Variants in SLC49A4 observed in about 807,000 individuals in gnomAD.
The protein encoded by SLC49A4 is solute carrier family 49 member 4, also known as disrupted in renal cancer protein 2.
In SLC49A4, 36 loss-of-function variants were observed where a neutral mutation model predicts 50.6. That is an observed-to-expected ratio of 0.71 (90% confidence interval 0.55 to 0.94). SLC49A4 has a LOEUF of 0.94. Ranked by LOEUF, SLC49A4 falls within the 40% of genes least tolerant of loss-of-function variation. SLC49A4 has a pLI of 0.00. For synonymous variants in SLC49A4, 248 were observed against 241.2 expected (o/e 1.03, Z -0.26); for missense variants, 503 against 605.7 (o/e 0.83, Z 1.78).
Position 122,795,330 on chromosome 3 carries a change from G to A in SLC49A4, c.138G>A (p.Arg46=). The change falls in exon 1 of 9, where the codon CGG becomes CGA. Residue 46 remains arginine (R), a synonymous_variant. Transcript: ENST00000261038. ...ALPAAVPGPG[R]VYGRRWLVLL... ...CCGCGGCGGTCCCGGGTCCCGGGCG[G>A]GTATACGGGCGCCGCTGGCTGGTGC... 12 of 1,530,924 alleles carry A rather than the reference G, an allele frequency of 7.8e-6. No individual in the cohort carries two copies. Among genetic ancestry groups the A allele is most frequent in the South Asian group, 1.2e-5 (1 of 83,044 alleles). The allele number at this position is 1,530,924 out of a possible 1,614,324, so 94.8% of individuals were successfully genotyped here.
chr3:122,798,634 C>CTTTTT lies in SLC49A4; in HGVS notation c.343+3123_343+3127dup, dbSNP rs71136594. Among the ~76,000 whole-genome samples the CTTTTT allele has an allele frequency of 6.8e-4, 43 of 62,842 alleles. 8 individuals are homozygous for CTTTTT. The highest frequency in any genetic ancestry group is 9.1e-4 in the Non-Finnish European group (33 of 36,438). The allele number at this position is 62,842 out of a possible 152,430, so 41.2% of individuals were successfully genotyped here. Reference sequence around the variant, plus strand: ...CTGGCATCCTTGGGTACTAAAATATCTTTTTTTTTTTTTTTTTTTTTTTTT... The same window carrying CTTTTT: ...CTGGCATCCTTGGGTACTAAAATATCTTTTTTTTTTTTTTTTTTTTTTTTTTTTTT... On this transcript the variant is annotated intron_variant, in intron 1 of 8. Transcript: ENST00000261038.
chr3:122,844,449 A>G (rs1936820860), intron 4 of SLC49A4, among the ~76,000 whole-genome samples: 1 of 152,174 alleles, frequency 6.6e-6, no homozygotes, highest in Admixed American at 6.5e-5. Flanking sequence ...AGAATTTTAA[A>G]CAATATGAAC....
chr3:122,877,202 AGTGGTTTAT>A (rs1250837286), intron 8 of SLC49A4, among the ~76,000 whole-genome samples: 1 of 152,182 alleles, frequency 6.6e-6, no homozygotes, highest in Admixed American at 6.5e-5. Context: ...GCACCTAAAC[AGTGGTTTAT>A]GTGAATGGTT....
At chr3:122,839,943 A>T (rs1326270365) in intron 4 of SLC49A4, among the ~76,000 whole-genome samples, 2 of 152,218 alleles carry the variant, frequency 1.3e-5, no homozygotes, top group Non-Finnish European at 2.9e-5. Context: ...ACATGCACAT[A>T]CATGTTTATA....
intron 2 of SLC49A4, among the ~76,000 whole-genome samples, chr3:122,821,693 C>G (rs1477442782): frequency 6.6e-6 from 1 of 152,232 alleles, no homozygotes; most frequent in Non-Finnish European, 1.5e-5. Flanking sequence ...CCTCCTCACA[C>G]TCCTAACTTC....
At chr3:122,815,126 G>C (rs1936347160) in intron 2 of SLC49A4, among the ~76,000 whole-genome samples, 1 of 151,040 alleles carries the variant, frequency 6.6e-6, no homozygotes, top group Non-Finnish European at 1.5e-5. Context: ...GAGTCTCACT[G>C]TCACCCAGGC....
rs754626535 is a variant in SLC49A4, at chr3:122,806,869, CTG to C, written c.359_360del (p.Val120AlafsTer24). 23 of 1,604,922 alleles carry C rather than the reference CTG, an allele frequency of 1.4e-5. No homozygotes were observed. Among genetic ancestry groups the C allele is most frequent in the Non-Finnish European group, 1.5e-5 (18 of 1,172,158 alleles). ...TGTTTCATTTTAGGTCTCCGGATAA[CTG>C]TGCTCCTGACATCCTTCCTTATGGT... is the stretch of plus-strand genomic sequence containing the variant. On this transcript the variant is annotated frameshift_variant, in exon 2 of 9. Transcript: ENST00000261038. LOFTEE classifies it high-confidence loss of function.
intron 7 of SLC49A4, among the ~76,000 whole-genome samples, chr3:122,865,216 T>C (rs191164439): frequency 4.6e-5 from 7 of 152,370 alleles, no homozygotes; most frequent in Admixed American, 1.3e-4. Flanking sequence ...GTGAAAAATC[T>C]TAATGTAAGA....
intron 1 of SLC49A4, among the ~76,000 whole-genome samples, chr3:122,800,836 A>C (rs1936118996): frequency 6.6e-6 from 1 of 152,212 alleles, no homozygotes; most frequent in African/African-American, 2.4e-5. Flanking sequence ...ATGAGGGAGA[A>C]TAGGGGAACA....
chr3:122,867,148 T>A (rs1937131183), intron 7 of SLC49A4, among the ~76,000 whole-genome samples: 1 of 152,248 alleles, frequency 6.6e-6, no homozygotes, highest in Admixed American at 6.5e-5. Flanking sequence ...GTTTTATATT[T>A]AATGTGATTA....
intron 2 of SLC49A4, 80 bp downstream of exon 2, chr3:122,807,030 C>A: frequency 2.6e-6 from 2 of 775,816 alleles, no homozygotes; most frequent in Non-Finnish European, 2.1e-6. Context: ...AGTAAAGGGT[C>A]ATATTTATAG....
chr3:122,836,521 G>T (rs1275189160), intron 4 of SLC49A4, among the ~76,000 whole-genome samples: 4 of 152,132 alleles, frequency 2.6e-5, no homozygotes, highest in Non-Finnish European at 5.9e-5. Context: ...AAATGAGTTA[G>T]GGAGGATTCC....
chr3:122,850,680 T>G (rs1329542062), intron 5 of SLC49A4, among the ~76,000 whole-genome samples: 4 of 152,118 alleles, frequency 2.6e-5, no homozygotes, highest in Non-Finnish European at 5.9e-5. Context: ...GCTAATTTTT[T>G]CAAGTTTTGT....
intron 2 of SLC49A4, among the ~76,000 whole-genome samples, chr3:122,818,504 TAAAC>T (rs1205331576): frequency 6.6e-6 from 1 of 152,166 alleles, no homozygotes; most frequent in African/African-American, 2.4e-5. Context: ...TATATACTCT[TAAAC>T]AAAAAGACAA....
At chr3:122,838,845 A>G (rs946384178) in intron 4 of SLC49A4, among the ~76,000 whole-genome samples, 1 of 152,120 alleles carries the variant, frequency 6.6e-6, no homozygotes, top group African/African-American at 2.4e-5. Flanking sequence ...TGCAGTTACT[A>G]TCAAAATAGC....
intron 4 of SLC49A4, among the ~76,000 whole-genome samples, chr3:122,841,550 G>C (rs1000063737): frequency 2.6e-5 from 4 of 152,184 alleles, no homozygotes; most frequent in African/African-American, 9.7e-5. Context: ...ACAGAGTTAC[G>C]TTTAATGGAA....
intron 2 of SLC49A4, among the ~76,000 whole-genome samples, chr3:122,823,803 T>A (rs1213214887): frequency 6.6e-6 from 1 of 152,260 alleles, no homozygotes; most frequent in Non-Finnish European, 1.5e-5. Context: ...TATTTTTACA[T>A]ATCTTTTTAC....
chr3:122,817,187 G>C (rs975188867), intron 2 of SLC49A4, among the ~76,000 whole-genome samples: 9 of 152,126 alleles, frequency 5.9e-5, no homozygotes, highest in Non-Finnish European at 2.9e-5. Flanking sequence ...TGAAAATAAA[G>C]GAAAATCATA....
At chr3:122,850,637 AGCTAGG>A (rs200481135) in intron 5 of SLC49A4, among the ~76,000 whole-genome samples, 3,228 of 151,990 alleles carry the variant, frequency 0.021, 116 homozygotes, top group African/African-American at 0.074. Context: ...CCACCCAAGT[AGCTAGG>A]GCTACAGGTG....
Sources: allele counts gnomAD v4.1 joint callset (sites outside exome capture counted in the v4.1 genomes callset), GRCh38; gene constraint gnomAD v4.1.1; transcripts MANE v1.5; gene names NCBI Gene and HGNC (gene_info 2026-07-23, HGNC 2026-07-21).